FCGRT: variants seen among roughly 807,000 people sequenced by gnomAD.
FCGRT encodes the protein Fc gamma receptor and transporter.
FCGRT carries 13 observed loss-of-function variants against 35.7 expected under a neutral mutation model. The observed-to-expected ratio is 0.36, with a 90% CI of 0.24 to 0.58. The LOEUF is 0.58. Among genes scored for constraint, FCGRT ranks in the 20% least tolerant of loss-of-function variants. The pLI is 0.77. For missense variants in FCGRT, 455 were observed against 474.9 expected (o/e 0.96, Z 0.39); for synonymous variants, 233 against 216.5 (o/e 1.08, Z -0.67).
At chr19:49,515,236 C>T (rs140465001) in intron 4 of FCGRT, 1 of 152,188 alleles carries the variant, frequency 6.6e-6, no homozygotes, top group Non-Finnish European at 1.5e-5. Flanking sequence ...CAGCGATTCT[C>T]CTGCTTTGGT....
rs748983920 is a variant in FCGRT at position 49,524,715 on chromosome 19, G to A, written c.810G>A (p.Glu270=). Residue 270 remains glutamate (E), a synonymous_variant, in exon 5 of 7, where the codon GAG becomes GAA. Transcript: ENST00000221466. ...SSSLTVKSGD[E]HHYCCIVQHA... ...CACTAACAGTCAAAAGTGGCGATGA[G>A]CACCACTACTGCTGCATTGTGCAGC... is the stretch of plus-strand genomic sequence containing the variant. 9 of 1,602,430 alleles carry A rather than the reference G, an allele frequency of 5.6e-6. No homozygotes were observed. The East Asian group carries it at 1.8e-4, about 32-fold the overall frequency.
At chr19:49,525,971 A>C (rs1374064943) in intron 6 of FCGRT, 39 bp from the exon 7 acceptor site, 14 of 1,301,240 alleles carry the variant, frequency 1.1e-5, no homozygotes, top group African/African-American at 1.5e-5. Flanking sequence ...AGAGCGCCTC[A>C]GAGATTCTGA....
In FCGRT at chr19:49,518,014, C is replaced by T. The variant is rs142838334; in HGVS notation, c.601+3528C>T. Among the ~76,000 whole-genome samples the T allele has an allele frequency of 9.5e-3, 1,445 of 152,026 alleles. 11 individuals carry two copies. Among genetic ancestry groups the T allele is most frequent in the South Asian group, 0.014 (69 of 4,812 alleles). ...CCAATTTTTGTATTTTTAGTAGAGA[C>T]GGGATTTCACTATGTTGGCCAGGCT... On this transcript the variant is annotated intron_variant, in intron 4 of 6. Transcript: ENST00000221466.
chr19:49,517,278 G>C (rs1398956276), intron 4 of FCGRT, among the ~76,000 whole-genome samples: 1 of 152,104 alleles, frequency 6.6e-6, no homozygotes, highest in African/African-American at 2.4e-5. Context: ...ATCACTTAAG[G>C]TCAGGAGTTT....
chr19:49,523,570 A>G (rs1442037087), intron 4 of FCGRT, among the ~76,000 whole-genome samples: 1 of 151,048 alleles, frequency 6.6e-6, no homozygotes, highest in East Asian at 1.9e-4. Context: ...TCTTATCTCA[A>G]AAACAAAAGG....
rs746958247 is a variant in FCGRT, at chr19:49,522,770, C to CTTTTT, written c.602-1716_602-1712dup. ...ATGAGAGACATTGGCCTTAAGCTCT[C>CTTTTT]TTTTTTTTTTTTTTTTTTTTTTTTT... On this transcript the variant is annotated intron_variant, in intron 4 of 6. Coordinates refer to ENST00000221466, the MANE Select transcript of FCGRT (RefSeq NM_001136019.3). Among the ~76,000 whole-genome samples, 84 of 66,660 alleles carry CTTTTT rather than the reference C, an allele frequency of 1.3e-3. 2 individuals carry two copies. Among genetic ancestry groups the CTTTTT allele is most frequent in the South Asian group, 2.0e-3 (3 of 1,532 alleles). The allele number at this position is 66,660 out of a possible 152,430, so 43.7% of individuals were successfully genotyped here.
intron 2 of FCGRT, 29 bp downstream of exon 2, chr19:49,513,502 C>T (rs142385484): frequency 0.14 from 174,523 of 1,225,816 alleles, 13,053 homozygotes; most frequent in East Asian, 0.17. Flanking sequence ...CAGGGCCCTG[C>T]TGCAGGCGGG....
At chr19:49,517,720 G>A (rs2080016666) in intron 4 of FCGRT, among the ~76,000 whole-genome samples, 1 of 152,016 alleles carries the variant, frequency 6.6e-6, no homozygotes, top group African/African-American at 2.4e-5. Flanking sequence ...ATTTTGAGAT[G>A]GAGTCTCACT....
At chr19:49,514,615 G>A (rs1487984023) in intron 4 of FCGRT, 129 bp downstream of exon 4, 3 of 899,052 alleles carry the variant, frequency 3.3e-6, no homozygotes, top group Non-Finnish European at 4.9e-6. Context: ...CATTCCTCAG[G>A]GGTCCTTCTA....
intron 1 of FCGRT, among the ~76,000 whole-genome samples, 154 bp downstream of exon 1, chr19:49,512,904 T>G (rs1488751082): frequency 3.6e-5 from 2 of 55,314 alleles, no homozygotes; most frequent in Non-Finnish European, 6.9e-5. Context: ...ACTGGGGGTC[T>G]GGACGCTGGG....
At chr19:49,524,486 T>C (rs1281714991) in intron 4 of FCGRT, 21 bp from the exon 5 acceptor site, 1 of 1,600,792 alleles carries the variant, frequency 6.2e-7, no homozygotes. Flanking sequence ...GACTTAGGCC[T>C]GTCTGCCTGA....
rs1348652644 is a variant in FCGRT at position 49,513,915 on chromosome 19, C to T, written c.107C>T (p.Ala36Val). 1.2e-6 allele frequency: 2 copies of T among 1,611,926 alleles called. No homozygotes were observed. The highest frequency in any genetic ancestry group is 1.7e-5 in the Admixed American group (1 of 59,708). ...CTCTCCCTCCTGTACCACCTTACCG[C>T]GGTGTCCTCGCCTGCCCCGGGGACT... ...SHLSLLYHLT[A>V]VSSPAPGTPA... is the part of the protein sequence containing the mutation. Residue 36 changes from alanine (A) to valine (V), a missense_variant, in exon 3 of 7, where the codon GCG becomes GTG. Ala to Val is a moderately conservative substitution (Grantham distance 64). This residue lies in a region of FCGRT where 136 missense variants were observed against 158.9 expected (regional missense o/e 0.86). Transcript: ENST00000221466.
chr19:49,524,480 T>A, intron 4 of FCGRT, 27 bp from the exon 5 acceptor site: 1 of 1,598,454 alleles, frequency 6.3e-7, no homozygotes, highest in African/African-American at 1.3e-5. Context: ...GCTCGCGACT[T>A]AGGCCTGTCT....
At position 49,513,318 on chromosome 19, in the gene FCGRT, C is replaced by G. The variant is rs1359995412; in HGVS notation, c.-14-69C>G. On this transcript the variant is annotated intron_variant, in intron 1 of 6. Coordinates refer to ENST00000221466, the MANE Select transcript of FCGRT (RefSeq NM_001136019.3). The stretch of plus-strand genomic sequence containing the variant: ...CCTCGGCGTCCTGGTCCCGGCCGTG[C>G]CCGCGGTGTCCCGGGAGGAAGGGGC... 7.9e-6 allele frequency: 6 copies of G among 764,282 alleles called. No homozygotes were observed. The South Asian group carries it at 3.5e-4, about 44-fold the overall frequency. 47.3% of individuals were successfully genotyped at this position (764,282 alleles called of 1,614,324 possible). A position where few individuals can be genotyped will look rare whatever the true frequency, so the allele number is the denominator to read the frequency against.
intron 5 of FCGRT, chr19:49,525,116 G>T: frequency 1.9e-6 from 1 of 533,854 alleles, no homozygotes; most frequent in Non-Finnish European, 3.5e-6. Flanking sequence ...TGCTATGCCC[G>T]TCCTCACCAA....
At chr19:49,522,287 C>G (rs1307172170) in intron 4 of FCGRT, among the ~76,000 whole-genome samples, 1 of 151,816 alleles carries the variant, frequency 6.6e-6, no homozygotes, top group Non-Finnish European at 1.5e-5. Context: ...TACTGTTTGC[C>G]CAGGCTGGTC....
In FCGRT at chr19:49,525,994, C is replaced by T. The variant is rs761265007; in HGVS notation, c.989-16C>T. The T allele has an allele frequency of 1.3e-6, 2 of 1,534,638 alleles. No homozygotes were observed. The highest frequency in any genetic ancestry group is 1.8e-6 in the Non-Finnish European group (2 of 1,108,714). On this transcript the variant is annotated splice_polypyrimidine_tract_variant and intron_variant, in intron 6 of 6. Coordinates refer to ENST00000221466, the MANE Select transcript of FCGRT (RefSeq NM_001136019.3). ...TCAGAGATTCTGATGACCTCTCCCTCTCTCTCTCTCCTCAGCCCCTTGGAT... is the reference window on the plus strand; with the variant it reads ...TCAGAGATTCTGATGACCTCTCCCTTTCTCTCTCTCCTCAGCCCCTTGGAT...
chr19:49,525,456 G>C lies in FCGRT; in HGVS notation c.872-1G>C, dbSNP rs1378105990. 1.2e-6 allele frequency: 2 copies of C among 1,612,160 alleles called. No homozygotes were observed. On this transcript the variant is annotated splice_acceptor_variant, in intron 5 of 6. Coordinates refer to ENST00000221466, the MANE Select transcript of FCGRT (RefSeq NM_001136019.3). LOFTEE classifies it high-confidence loss of function. Reference sequence around the variant, plus strand: ...CATCTCACAGCGTTCTCTGGCTGCAGAATCTCCAGCCAAGTCCTCCGTGCT... The same window carrying C: ...CATCTCACAGCGTTCTCTGGCTGCACAATCTCCAGCCAAGTCCTCCGTGCT...
intron 4 of FCGRT, among the ~76,000 whole-genome samples, chr19:49,523,671 T>G (rs2080055349): frequency 6.6e-6 from 1 of 151,748 alleles, no homozygotes; most frequent in African/African-American, 2.4e-5. Flanking sequence ...CCATCCTGGC[T>G]AAGACGGTGA....
Sources: gnomAD v4.1 joint callset for allele counts (sites outside exome capture counted in the v4.1 genomes callset) on GRCh38, gnomAD v4.1.1 for gene constraint, gnomAD v4.1.1 regional missense constraint, MANE v1.5 for transcripts, NCBI Gene and HGNC (gene_info 2026-07-23, HGNC 2026-07-21) for gene names.